CTDSPL: variants seen among roughly 807,000 people sequenced by gnomAD.
The protein encoded by CTDSPL is CTD small phosphatase-like protein.
CTDSPL carries 8 observed loss-of-function variants against 30.5 expected under a neutral mutation model. That is an observed-to-expected ratio of 0.26 (90% confidence interval 0.15 to 0.47). The LOEUF (loss-of-function observed/expected upper bound fraction) is 0.47. Among genes scored for constraint, CTDSPL ranks in the 20% least tolerant of loss-of-function variants. CTDSPL has a pLI of 0.99. For synonymous variants in CTDSPL, 110 were observed against 137.9 expected (o/e 0.80, Z 1.42); for missense variants, 248 against 366.1 (o/e 0.68, Z 2.63).
rs1157634053 is a variant in CTDSPL at position 37,982,961 on chromosome 3, G to A, written c.*2094G>A. The A allele has an allele frequency of 2.5e-5, 5 of 198,534 alleles. No homozygotes were observed. The highest frequency in any genetic ancestry group is 3.2e-5 in the Non-Finnish European group (3 of 93,698). 12.3% of individuals were successfully genotyped at this position (198,534 alleles called of 1,614,324 possible). ...ATCACAGGGCCTTATTTGGAAGAGC[G>A]GGCAAAGAGGATGGAAATCATAAAA... On this transcript the variant is annotated 3_prime_UTR_variant, in exon 8 of 8. Coordinates refer to ENST00000273179, the MANE Select transcript of CTDSPL (RefSeq NM_001008392.2).
At chr3:37,936,926 C>CAGGGG (rs1477062346) in intron 1 of CTDSPL, among the ~76,000 whole-genome samples, 1 of 151,092 alleles carries the variant, frequency 6.6e-6, no homozygotes, top group Admixed American at 6.6e-5. Flanking sequence ...CTTAGTTCTG[C>CAGGGG]TCTTGTGATG....
rs1323202473 is a variant in CTDSPL at position 37,946,668 on chromosome 3, G to T, written c.80-389G>T. On this transcript the variant is annotated intron_variant, in intron 1 of 7. Transcript: ENST00000273179. ...GATGCTTCCCAGGGAGTGTCAAGTC[G>T]ATTTGTGCCTGAGAAGATGTTTGTT... Among the ~76,000 whole-genome samples, 16 of 152,332 alleles carry T rather than the reference G, an allele frequency of 1.1e-4. No individual in the cohort carries two copies. In the East Asian group the frequency reaches 2.7e-3, roughly 26 times the overall value.
chr3:37,900,255 T>C (rs932534364), intron 1 of CTDSPL, among the ~76,000 whole-genome samples: 1 of 152,150 alleles, frequency 6.6e-6, no homozygotes, highest in African/African-American at 2.4e-5. Context: ...TCTACTCAAA[T>C]TGTGAAAATT....
intron 1 of CTDSPL, among the ~76,000 whole-genome samples, chr3:37,870,651 T>G (rs1357336761): frequency 1.3e-5 from 2 of 152,196 alleles, no homozygotes; most frequent in Admixed American, 1.3e-4. Flanking sequence ...GGCACTTAGA[T>G]GAATGATTTG....
At chr3:37,945,452 C>A (rs866617407) in intron 1 of CTDSPL, among the ~76,000 whole-genome samples, 1 of 152,224 alleles carries the variant, frequency 6.6e-6, no homozygotes, top group African/African-American at 2.4e-5. Flanking sequence ...AAGCAGTAAA[C>A]CTATCTCCTT....
At chr3:37,864,625 G>A (rs1697988321) in intron 1 of CTDSPL, among the ~76,000 whole-genome samples, 2 of 152,060 alleles carry the variant, frequency 1.3e-5, no homozygotes, top group East Asian at 3.9e-4. Context: ...AGAGTCAAAT[G>A]TTGGAATAAT....
At chr3:37,899,400 TA>T in intron 1 of CTDSPL, among the ~76,000 whole-genome samples, 1 of 152,170 alleles carries the variant, frequency 6.6e-6, no homozygotes, top group East Asian at 1.9e-4. Flanking sequence ...CTGTAGCACA[TA>T]ACCACTCTTA....
intron 2 of CTDSPL, among the ~76,000 whole-genome samples, chr3:37,955,747 T>C (rs985603810): frequency 7.9e-5 from 12 of 152,148 alleles, no homozygotes; most frequent in Non-Finnish European, 1.8e-4. Flanking sequence ...GTACAGTGCG[T>C]ATTACCTGGG....
chr3:37,980,028 G>T (rs1453981107), intron 7 of CTDSPL, among the ~76,000 whole-genome samples: 1 of 152,116 alleles, frequency 6.6e-6, no homozygotes, highest in Non-Finnish European at 1.5e-5. Flanking sequence ...CGTAATAAAT[G>T]TCTATGTTTC....
chr3:37,884,178 GA>G (rs1045049951), intron 1 of CTDSPL, among the ~76,000 whole-genome samples: 3 of 151,872 alleles, frequency 2.0e-5, no homozygotes, highest in Non-Finnish European at 4.4e-5. Context: ...AAAAAATATT[GA>G]AAAAAATCAA....
intron 1 of CTDSPL, 26 bp from the exon 2 acceptor site, chr3:37,947,031 A>G (rs769160691): frequency 5.6e-6 from 9 of 1,607,518 alleles, no homozygotes; most frequent in Non-Finnish European, 7.7e-6. Context: ...GCAGTTGGCC[A>G]TAGTGTGCTC....
chr3:37,980,846 GCA>G lies in CTDSPL; in HGVS notation c.813_814del (p.His271GlnfsTer5). 1 of 1,614,100 alleles carries G rather than the reference GCA, an allele frequency of 6.2e-7. No homozygotes were observed. The highest frequency in any genetic ancestry group is 8.5e-7 in the Non-Finnish European group (1 of 1,180,008). On this transcript the variant is annotated frameshift_variant, in exon 8 of 8. Transcript: ENST00000273179. LOFTEE classifies it high-confidence loss of function. ...GGGAGGACGACGTGTACAGCATGCT[GCA>G]CAGACTCTGCAATAGGTAGCCCTGG... ...SREDDVYSML[H>X]RLCNR
intron 7 of CTDSPL, among the ~76,000 whole-genome samples, chr3:37,977,319 A>G (rs538765655): frequency 7.0e-4 from 107 of 152,252 alleles, no homozygotes; most frequent in African/African-American, 2.5e-3. Flanking sequence ...TTCAATCGGG[A>G]TCCAAAAAGA....
chr3:37,936,400 TGCCCTG>T (rs1698915865), intron 1 of CTDSPL, among the ~76,000 whole-genome samples: 1 of 152,128 alleles, frequency 6.6e-6, no homozygotes, highest in African/African-American at 2.4e-5. Flanking sequence ...GTGCGGTTTG[TGCCCTG>T]GCCTCTTACC....
chr3:37,894,791 G>C (rs1268367219), intron 1 of CTDSPL, among the ~76,000 whole-genome samples: 1 of 151,924 alleles, frequency 6.6e-6, no homozygotes, highest in Non-Finnish European at 1.5e-5. Context: ...TAATTTCTAT[G>C]AATCTATCTT....
intron 1 of CTDSPL, among the ~76,000 whole-genome samples, chr3:37,864,560 T>G (rs532114402): frequency 1.3e-5 from 2 of 152,268 alleles, no homozygotes; most frequent in Non-Finnish European, 2.9e-5. Flanking sequence ...AATTTAGTTC[T>G]TCACTTTAAA....
chr3:37,954,829 G>A lies in CTDSPL; in HGVS notation c.235-2282G>A, dbSNP rs542179591. On this transcript the variant is annotated intron_variant, in intron 2 of 7. Coordinates refer to ENST00000273179, the MANE Select transcript of CTDSPL (RefSeq NM_001008392.2). ...GCAAAGACCATGGAGGACCTTTAAG[G>A]GCAAGGACAGCGTAAAACAGATTGC... 3.3e-5 allele frequency: 5 copies of A among 152,290 alleles called. No individual in the cohort carries two copies. The East Asian group carries it at 9.6e-4, about 29-fold the overall frequency. The allele number at this position is 152,290 out of a possible 1,614,324, so 9.4% of individuals were successfully genotyped here. A position where few individuals can be genotyped will look rare whatever the true frequency, so the allele number is the denominator to read the frequency against.
At chr3:37,898,540 T>C (rs1698413675) in intron 1 of CTDSPL, among the ~76,000 whole-genome samples, 1 of 152,224 alleles carries the variant, frequency 6.6e-6, no homozygotes, top group Middle Eastern at 3.2e-3. Flanking sequence ...TATTGAGTGC[T>C]TACTACGAGC....
chr3:37,940,101 A>AG (rs1335663605), intron 1 of CTDSPL, among the ~76,000 whole-genome samples: 1 of 150,074 alleles, frequency 6.7e-6, no homozygotes, highest in African/African-American at 2.4e-5. Context: ...CAAAAAAAAA[A>AG]GCTATTTCTA....
Sources: allele counts gnomAD v4.1 joint callset (sites outside exome capture counted in the v4.1 genomes callset), GRCh38; gene constraint gnomAD v4.1.1; transcripts MANE v1.5; gene names NCBI Gene and HGNC (gene_info 2026-07-23, HGNC 2026-07-21).